The following SLC18B1 variants were observed in gnomAD, a reference collection of about 807,000 sequenced individuals.
SLC18B1 encodes MFS-type transporter SLC18B1.
A neutral mutation model predicts 53.9 loss-of-function variants in SLC18B1; 62 were observed. The ratio of observed to expected loss-of-function variants is 1.15; its 90% CI spans 0.94 to 1.42. The LOEUF is 1.42. Among genes scored for constraint, SLC18B1 ranks in the 40% most tolerant of loss-of-function variants. The pLI, the probability that SLC18B1 is intolerant of heterozygous loss-of-function variation, is 0.00. For missense variants in SLC18B1, 598 were observed against 547.3 expected (o/e 1.09, Z -0.93); for synonymous variants, 217 against 200.9 (o/e 1.08, Z -0.68).
chr6:132,797,004 A>T lies in SLC18B1; in HGVS notation c.161T>A (p.Leu54His), dbSNP rs1001381143. Residue 54 changes from leucine (L) to histidine (H), a missense_variant, in exon 2 of 14, where the codon CTT becomes CAT. Transcript: ENST00000275227. ...TACCTCTTTGGGGAAAAACGGTCCAAGTATAGAATAGCACATCATGGAACC... is the reference window on the plus strand; with the variant it reads ...TACCTCTTTGGGGAAAAACGGTCCATGTATAGAATAGCACATCATGGAACC... ...NLGSMMCYSI[L>H]GPFFPKEAEK... is the part of the protein sequence containing the mutation. 1.9e-6 allele frequency: 3 copies of T among 1,613,346 alleles called. No homozygotes were observed. The African/African-American group carries it at 4.0e-5, about 22-fold the overall frequency.
At chr6:132,776,286 A>G (rs750761625) in intron 8 of SLC18B1, 42 bp downstream of exon 8, 5 of 1,499,556 alleles carry the variant, frequency 3.3e-6, no homozygotes, top group Non-Finnish European at 4.6e-6. Context: ...CCACTGCTCT[A>G]AACATACAAA....
chr6:132,774,857 G>A (rs1013636940), intron 8 of SLC18B1, among the ~76,000 whole-genome samples: 40 of 151,974 alleles, frequency 2.6e-4, no homozygotes, highest in African/African-American at 9.7e-4. Context: ...GTTGCAGTGA[G>A]CCAAGATCAC....
At chr6:132,796,752 A>G (rs1003522049) in intron 2 of SLC18B1, among the ~76,000 whole-genome samples, 1 of 152,154 alleles carries the variant, frequency 6.6e-6, no homozygotes, top group African/African-American at 2.4e-5. Context: ...TCAGAAGATC[A>G]ACTACTTTTA....
chr6:132,779,838 A>G (rs530389933), intron 6 of SLC18B1, among the ~76,000 whole-genome samples: 1 of 152,328 alleles, frequency 6.6e-6, no homozygotes, highest in Admixed American at 6.5e-5. Context: ...CCTCACAATC[A>G]TGGTGGAAGA....
intron 7 of SLC18B1, 151 bp downstream of exon 7, chr6:132,779,117 G>C: frequency 1.4e-6 from 1 of 728,910 alleles, no homozygotes; most frequent in South Asian, 3.4e-5. Context: ...TCACAGGGAC[G>C]GTAGAGAGGG....
chr6:132,777,827 G>C (rs1044435586), intron 7 of SLC18B1, among the ~76,000 whole-genome samples: 69 of 152,194 alleles, frequency 4.5e-4, no homozygotes, highest in Admixed American at 2.0e-4. Flanking sequence ...CAGAAAAACA[G>C]CTCAAAAATA....
intron 2 of SLC18B1, among the ~76,000 whole-genome samples, chr6:132,792,127 C>G (rs950017422): frequency 3.3e-5 from 5 of 151,152 alleles, no homozygotes; most frequent in South Asian, 2.1e-4. Flanking sequence ...ACTCAGGAGA[C>G]TGAGGCAGGA....
rs549480999 is a variant in SLC18B1 at position 132,795,917 on chromosome 6, T to C, written c.183+1065A>G. Among the ~76,000 whole-genome samples the C allele has an allele frequency of 4.1e-4, 63 of 152,180 alleles. 1 individual carries two copies. The highest frequency in any genetic ancestry group is 5.2e-4 in the Admixed American group (8 of 15,290). ...GAAATTAAAGTCAAAAGAGGGAATA[T>C]GGAGCGGGGCCGGGGCTGGGCGTGG... On this transcript the variant is annotated intron_variant, in intron 2 of 13. Transcript: ENST00000275227.
intron 7 of SLC18B1, among the ~76,000 whole-genome samples, chr6:132,777,693 A>T (rs1408046284): frequency 6.6e-6 from 1 of 152,236 alleles, no homozygotes; most frequent in Non-Finnish European, 1.5e-5. Flanking sequence ...CAGCCTGGGC[A>T]ACAGAGCAAG....
chr6:132,782,211 A>G (rs1036940733), intron 6 of SLC18B1, among the ~76,000 whole-genome samples: 1 of 152,004 alleles, frequency 6.6e-6, no homozygotes, highest in African/African-American at 2.4e-5. Flanking sequence ...AAAAATTCTA[A>G]CAATAGCTCC....
intron 2 of SLC18B1, among the ~76,000 whole-genome samples, chr6:132,796,354 CAAAAAAAA>C (rs780737208): frequency 3.4e-4 from 15 of 44,704 alleles, no homozygotes; most frequent in African/African-American, 1.4e-3. Context: ...GACTCCATCT[CAAAAAAAA>C]AAAAAAAAAA....
At chr6:132,797,610 C>A (rs1466662488) in intron 1 of SLC18B1, among the ~76,000 whole-genome samples, 1 of 150,724 alleles carries the variant, frequency 6.6e-6, no homozygotes, top group Non-Finnish European at 1.5e-5. Flanking sequence ...AAAAGCAAAA[C>A]AAAACAAACA....
intron 7 of SLC18B1, among the ~76,000 whole-genome samples, chr6:132,777,556 A>G (rs1781130292): frequency 6.6e-6 from 1 of 152,074 alleles, no homozygotes; most frequent in Non-Finnish European, 1.5e-5. Flanking sequence ...TACTAAAACT[A>G]CAGAAAAATT....
chr6:132,796,609 G>A (rs1468011354), intron 2 of SLC18B1, among the ~76,000 whole-genome samples: 1 of 149,850 alleles, frequency 6.7e-6, no homozygotes, highest in Non-Finnish European at 1.5e-5. Context: ...ATAAAACCTC[G>A]AGAAAATAGT....
At chr6:132,781,757 TA>T (rs67568708) in intron 6 of SLC18B1, among the ~76,000 whole-genome samples, 33,290 of 136,664 alleles carry the variant, frequency 0.24, 5,776 homozygotes, top group African/African-American at 0.51. Flanking sequence ...ACTCTGTCTT[TA>T]AAAAAAAAAA....
chr6:132,787,637 T>A (rs1157458053), intron 4 of SLC18B1, 56 bp from the exon 5 acceptor site: 1 of 1,385,084 alleles, frequency 7.2e-7, no homozygotes, highest in East Asian at 2.6e-5. Context: ...TTTTTTTTTT[T>A]CCTTTTTAAC....
Position 132,797,784 on chromosome 6 carries a change from CT to C in SLC18B1, c.43+629del, listed in dbSNP as rs370227342. Reference sequence around the variant, plus strand: ...AGTCCCACAAATTCATAAATAAATACTTTTTTTTTACCCTAATTACTGGTCT... The same window carrying C: ...AGTCCCACAAATTCATAAATAAATACTTTTTTTTACCCTAATTACTGGTCT... On this transcript the variant is annotated intron_variant, in intron 1 of 13. Transcript: ENST00000275227. Among the ~76,000 whole-genome samples, 735 of 149,932 alleles carry C rather than the reference CT, an allele frequency of 4.9e-3. 3 individuals carry two copies. Among genetic ancestry groups the C allele is most frequent in the African/African-American group, 0.018 (706 of 39,886 alleles).
At chr6:132,774,929 CA>C (rs912906165) in intron 8 of SLC18B1, among the ~76,000 whole-genome samples, 2 of 151,358 alleles carry the variant, frequency 1.3e-5, no homozygotes, top group Non-Finnish European at 2.9e-5. Context: ...GCAGTGACCA[CA>C]AAAAAAACCC....
intron 4 of SLC18B1, among the ~76,000 whole-genome samples, chr6:132,788,361 A>G (rs921014614): frequency 6.1e-5 from 9 of 148,040 alleles, no homozygotes; most frequent in African/African-American, 2.4e-4. Flanking sequence ...AAATTGCTTT[A>G]GAATATGATT....
Sources: allele counts gnomAD v4.1 joint callset (sites outside exome capture counted in the v4.1 genomes callset), GRCh38; gene constraint gnomAD v4.1.1; transcripts MANE v1.5; gene names NCBI Gene and HGNC (gene_info 2026-07-23, HGNC 2026-07-21).